Variants in TCF7L2 observed in about 807,000 individuals in gnomAD.
The protein encoded by TCF7L2 is transcription factor 7 like 2, also known as transcription factor 7-like 2.
TCF7L2 carries 23 observed loss-of-function variants against 77.9 expected under a neutral mutation model. That is an observed-to-expected ratio of 0.30 (90% CI 0.21 to 0.42). The LOEUF is 0.42. Ranked by LOEUF, TCF7L2 falls within the 10% of genes least tolerant of loss-of-function variation. The pLI is 1.00. For missense variants in TCF7L2, 654 were observed against 793.1 expected (o/e 0.82, Z 2.11); for synonymous variants, 413 against 340.2 (o/e 1.21, Z -2.36).
rs543683592 is a variant in TCF7L2, at chr10:113,021,194, C to T, written c.451-18831C>T. Among the ~76,000 whole-genome samples, 22 of 152,280 alleles carry T rather than the reference C, an allele frequency of 1.4e-4. No homozygotes were observed. In the South Asian group the frequency reaches 4.2e-3, roughly 29 times the overall value. On this transcript the variant is annotated intron_variant, in intron 4 of 13. Coordinates refer to ENST00000627217, the MANE Select transcript of TCF7L2 (RefSeq NM_001146274.2). ...CGCTTCCAAATTCTGTGACCTTGGG[C>T]GGGTTGCCTGAGCTCTTTTCCAGCT...
intron 5 of TCF7L2, among the ~76,000 whole-genome samples, chr10:113,071,096 T>C (rs748095455): frequency 6.6e-6 from 1 of 152,230 alleles, no homozygotes; most frequent in Non-Finnish European, 1.5e-5. Flanking sequence ...TTTGATGGAA[T>C]CTTAGCTCAG....
chr10:113,065,028 GT>G (rs145534078), intron 5 of TCF7L2, among the ~76,000 whole-genome samples: 2,227 of 152,306 alleles, frequency 0.015, 61 homozygotes, highest in African/African-American at 0.051. Context: ...GTAGAGGATG[GT>G]GGGATCATCC....
intron 5 of TCF7L2, among the ~76,000 whole-genome samples, chr10:113,105,996 A>G (rs111397821): frequency 6.6e-6 from 1 of 152,224 alleles, no homozygotes; most frequent in Non-Finnish European, 1.5e-5. Context: ...GGGTAAGGAG[A>G]TAGTAAGAAG....
intron 8 of TCF7L2, among the ~76,000 whole-genome samples, chr10:113,146,803 C>T (rs144648033): frequency 4.3e-4 from 65 of 152,178 alleles, no homozygotes; most frequent in South Asian, 8.3e-4. Flanking sequence ...ATACGCACAG[C>T]ACTTCTCAGT....
At chr10:113,001,545 G>C (rs971267685) in intron 4 of TCF7L2, among the ~76,000 whole-genome samples, 2 of 152,030 alleles carry the variant, frequency 1.3e-5, no homozygotes. Flanking sequence ...TGGTTTGGAG[G>C]GAGGACTACT....
At chr10:113,064,699 A>G (rs923313105) in intron 5 of TCF7L2, among the ~76,000 whole-genome samples, 3 of 152,212 alleles carry the variant, frequency 2.0e-5, no homozygotes, top group African/African-American at 7.2e-5. Context: ...TTGTTCCAAA[A>G]CATTGCCAGT....
intron 4 of TCF7L2, among the ~76,000 whole-genome samples, chr10:113,035,318 C>T (rs949266222): frequency 7.2e-5 from 11 of 152,240 alleles, no homozygotes; most frequent in South Asian, 2.1e-4. Flanking sequence ...AAGGCACCCT[C>T]GCCCATCTGA....
chr10:112,990,590 C>G, intron 4 of TCF7L2, among the ~76,000 whole-genome samples: 1 of 152,014 alleles, frequency 6.6e-6, no homozygotes, highest in East Asian at 1.9e-4. Flanking sequence ...GCCTGTAGTC[C>G]CAGCTACTGG....
chr10:113,147,858 A>G (rs7920228), intron 8 of TCF7L2, among the ~76,000 whole-genome samples: 220 of 152,232 alleles, frequency 1.4e-3, no homozygotes, highest in African/African-American at 5.2e-3. Context: ...ATAGGTGGGC[A>G]TGGGGGTGGA....
At chr10:113,084,820 C>T (rs527844724) in intron 5 of TCF7L2, among the ~76,000 whole-genome samples, 47 of 151,030 alleles carry the variant, frequency 3.1e-4, no homozygotes, top group Non-Finnish European at 4.7e-4. Context: ...CGCTTGAACC[C>T]GGGAGGCGGA....
At chr10:113,109,517 A>G (rs1190687456) in intron 5 of TCF7L2, among the ~76,000 whole-genome samples, 1 of 152,162 alleles carries the variant, frequency 6.6e-6, no homozygotes, top group Non-Finnish European at 1.5e-5. Context: ...CAGCCTCCCA[A>G]GTAGCTGGGA....
intron 5 of TCF7L2, among the ~76,000 whole-genome samples, chr10:113,059,822 A>T (rs548604253): frequency 6.6e-6 from 1 of 152,200 alleles, no homozygotes; most frequent in Non-Finnish European, 1.5e-5. Flanking sequence ...ACTATTAAAC[A>T]TGTCAGTAAG....
chr10:112,986,271 C>T (rs2041522351), intron 4 of TCF7L2, among the ~76,000 whole-genome samples: 1 of 152,092 alleles, frequency 6.6e-6, no homozygotes, highest in Non-Finnish European at 1.5e-5. Flanking sequence ...CGGGTTCTCT[C>T]TCTTCCTCTC....
At chr10:113,000,593 G>A (rs1313199361) in intron 4 of TCF7L2, among the ~76,000 whole-genome samples, 1 of 152,220 alleles carries the variant, frequency 6.6e-6, no homozygotes, top group African/African-American at 2.4e-5. Flanking sequence ...CCAAGTGGGA[G>A]TTTGGATGAT....
In TCF7L2 at chr10:113,151,245, C is replaced by T; in HGVS notation, c.1001+122C>T. On this transcript the variant is annotated intron_variant, in intron 9 of 13. Transcript: ENST00000627217. This position sits in a 1 kb window ranked among gnomAD's most constrained non-coding sequence, Gnocchi z 5.2. ...CGTTTGGTTTGACTGCAGCCAATAC[C>T]CAGCCTGTGTGGGCTCTTCACTCCC... 1 of 1,356,210 alleles carries T rather than the reference C, an allele frequency of 7.4e-7. No individual in the cohort carries two copies. 84.0% of individuals were successfully genotyped at this position (1,356,210 alleles called of 1,614,324 possible). A position where few individuals can be genotyped will look rare whatever the true frequency, so the allele number is the denominator to read the frequency against.
intron 13 of TCF7L2, among the ~76,000 whole-genome samples, chr10:113,162,711 C>A (rs1316729387): frequency 2.6e-5 from 4 of 152,182 alleles, no homozygotes; most frequent in Non-Finnish European, 4.4e-5. Flanking sequence ...ACTTTCCCAG[C>A]AGATATTTTT....
At chr10:113,033,145 ATCTTTTCTTTTCTTTTTT>A (rs2050537847) in intron 4 of TCF7L2, among the ~76,000 whole-genome samples, 1 of 150,714 alleles carries the variant, frequency 6.6e-6, no homozygotes, top group South Asian at 2.1e-4. Context: ...TTTCTTTTTT[ATCTTTTCTTTTCTTTTTT>A]TCTTTTCCCT....
chr10:112,993,065 T>C (rs2042867902), intron 4 of TCF7L2, among the ~76,000 whole-genome samples: 1 of 151,446 alleles, frequency 6.6e-6, no homozygotes, highest in Admixed American at 6.6e-5. Context: ...ACCCGGCCAC[T>C]GTCTTGTATT....
chr10:113,143,982 A>G lies in TCF7L2; in HGVS notation c.745A>G (p.Thr249Ala). 6.2e-7 allele frequency: 1 copy of G among 1,614,082 alleles called. No homozygotes were observed. Among genetic ancestry groups the G allele is most frequent in the Non-Finnish European group, 8.5e-7 (1 of 1,180,012 alleles). Residue 249 changes from threonine (T) to alanine (A), a missense_variant, in exon 7 of 14, where the codon ACC (threonine) becomes GCC (alanine). Coordinates refer to ENST00000627217, the MANE Select transcript of TCF7L2 (RefSeq NM_001146274.2). ...CCCGTATTACCCACTATCGCCTGGCACCGTAGGACAAATCCCCCATCCGCT... is the reference window on the plus strand; with the variant it reads ...CCCGTATTACCCACTATCGCCTGGCGCCGTAGGACAAATCCCCCATCCGCT...
Sources: gnomAD v4.1 joint callset for allele counts (sites outside exome capture counted in the v4.1 genomes callset) on GRCh38, gnomAD v4.1.1 for gene constraint, Gnocchi (gnomAD v3.1) non-coding constraint, MANE v1.5 for transcripts, NCBI Gene and HGNC (gene_info 2026-07-23, HGNC 2026-07-21) for gene names.